SLC10A7: variants seen among roughly 807,000 people sequenced by gnomAD.
SLC10A7 encodes sodium/bile acid cotransporter 7.
SLC10A7 carries 29 observed loss-of-function variants against 43.2 expected under a neutral mutation model. That is an observed-to-expected ratio of 0.67 (90% CI 0.50 to 0.92). The LOEUF (loss-of-function observed/expected upper bound fraction) is 0.92. Ranked by LOEUF, SLC10A7 falls within the 40% of genes least tolerant of loss-of-function variation. SLC10A7 has a pLI of 0.00. For missense variants in SLC10A7, 295 were observed against 403.2 expected (o/e 0.73, Z 2.30); for synonymous variants, 152 against 144.8 (o/e 1.05, Z -0.35).
At chr4:146,469,775 C>A (rs1733393682) in intron 4 of SLC10A7, among the ~76,000 whole-genome samples, 1 of 152,082 alleles carries the variant, frequency 6.6e-6, no homozygotes, top group Non-Finnish European at 1.5e-5. Flanking sequence ...ACCACAGGTG[C>A]ATGCCACCAT....
intron 5 of SLC10A7, among the ~76,000 whole-genome samples, chr4:146,328,468 T>C (rs60663574): frequency 0.023 from 3,562 of 152,222 alleles, 149 homozygotes; most frequent in African/African-American, 0.082. Context: ...CCTGTTTGCA[T>C]CATCGGTGGA....
At chr4:146,421,353 A>G (rs1447943867) in intron 5 of SLC10A7, among the ~76,000 whole-genome samples, 1 of 152,138 alleles carries the variant, frequency 6.6e-6, no homozygotes, top group African/African-American at 2.4e-5. Context: ...TTGTAAGACA[A>G]TTGAAAAGCT....
intron 4 of SLC10A7, among the ~76,000 whole-genome samples, chr4:146,491,992 C>G (rs1054531434): frequency 1.3e-5 from 2 of 151,806 alleles, no homozygotes; most frequent in Non-Finnish European, 2.9e-5. Flanking sequence ...CTGAGGCGGG[C>G]GGATCACGAG....
intron 6 of SLC10A7, among the ~76,000 whole-genome samples, chr4:146,316,755 T>A (rs1414081185): frequency 6.6e-6 from 1 of 152,084 alleles, no homozygotes; most frequent in Non-Finnish European, 1.5e-5. Flanking sequence ...TATGTATGGT[T>A]ATAGAATCCT....
intron 4 of SLC10A7, among the ~76,000 whole-genome samples, chr4:146,496,424 C>T (rs1252621445): frequency 6.6e-6 from 1 of 152,124 alleles, no homozygotes; most frequent in East Asian, 1.9e-4. Context: ...CTTTCTCTTG[C>T]CTGTGAGTGG....
intron 10 of SLC10A7, among the ~76,000 whole-genome samples, chr4:146,264,458 ACCAT>A (rs904564594): frequency 6.6e-6 from 1 of 151,612 alleles, no homozygotes; most frequent in Non-Finnish European, 1.5e-5. Flanking sequence ...CTATGTTCCT[ACCAT>A]TCATTCATTC....
chr4:146,304,279 T>C (rs955696016), intron 7 of SLC10A7, among the ~76,000 whole-genome samples: 17 of 151,498 alleles, frequency 1.1e-4, no homozygotes, highest in African/African-American at 3.9e-4. Flanking sequence ...GAGGAGTCTA[T>C]AAAGACACCA....
chr4:146,409,555 T>C (rs1728005046), intron 5 of SLC10A7, among the ~76,000 whole-genome samples: 1 of 152,170 alleles, frequency 6.6e-6, no homozygotes, highest in Non-Finnish European at 1.5e-5. Flanking sequence ...GGTCATTATA[T>C]ATTAAACAAT....
intron 4 of SLC10A7, among the ~76,000 whole-genome samples, chr4:146,461,044 C>T (rs943751035): frequency 2.6e-5 from 4 of 152,026 alleles, no homozygotes; most frequent in African/African-American, 9.6e-5. Flanking sequence ...AGCTTCAGGG[C>T]TCTGCTTGTG....
intron 2 of SLC10A7, 138 bp from the exon 3 acceptor site, chr4:146,510,187 T>A: frequency 1.6e-6 from 1 of 629,806 alleles, no homozygotes; most frequent in Non-Finnish European, 2.6e-6. Flanking sequence ...TATAAGTATA[T>A]GCATACAAGA....
chr4:146,418,002 AGATGAT>A (rs140809624), intron 5 of SLC10A7, among the ~76,000 whole-genome samples: 7,141 of 147,302 alleles, frequency 0.048, 586 homozygotes, highest in African/African-American at 0.17. Flanking sequence ...ATATCTGAAC[AGATGAT>A]GATGATGATG....
chr4:146,451,844 G>A (rs750403111), intron 4 of SLC10A7, among the ~76,000 whole-genome samples: 1 of 152,016 alleles, frequency 6.6e-6, no homozygotes, highest in Non-Finnish European at 1.5e-5. Flanking sequence ...GGGGCTTAGG[G>A]AGGGAGGTTA....
At chr4:146,335,266 A>G in intron 5 of SLC10A7, among the ~76,000 whole-genome samples, 1 of 148,268 alleles carries the variant, frequency 6.7e-6, no homozygotes, top group Admixed American at 6.7e-5. Flanking sequence ...AAAAAAAAAA[A>G]AAAAAAAAAA....
chr4:146,290,630 T>G (rs1730382073), intron 9 of SLC10A7, among the ~76,000 whole-genome samples: 1 of 151,878 alleles, frequency 6.6e-6, no homozygotes, highest in Admixed American at 6.6e-5. Flanking sequence ...GGAGTCAAGG[T>G]GGGAGAATCA....
intron 5 of SLC10A7, among the ~76,000 whole-genome samples, chr4:146,327,377 A>G (rs1265448002): frequency 1.3e-5 from 2 of 152,226 alleles, no homozygotes; most frequent in African/African-American, 2.4e-5. Flanking sequence ...ATTGGTATCT[A>G]TGAAACAGGT....
At chr4:146,286,823 G>A (rs62327816) in intron 9 of SLC10A7, among the ~76,000 whole-genome samples, 14 of 11,852 alleles carry the variant, frequency 1.2e-3, no homozygotes, top group African/African-American at 2.6e-3. Flanking sequence ...GGACTGTTTG[G>A]AGTGATGAGA....
At chr4:146,352,777 T>C (rs1735228786) in intron 5 of SLC10A7, among the ~76,000 whole-genome samples, 1 of 134,898 alleles carries the variant, frequency 7.4e-6, no homozygotes, top group Non-Finnish European at 1.6e-5. Flanking sequence ...AACCTGCTCC[T>C]GAATGACTAC....
chr4:146,353,513 G>C (rs1735305574), intron 5 of SLC10A7, among the ~76,000 whole-genome samples: 1 of 92,124 alleles, frequency 1.1e-5, no homozygotes, highest in Non-Finnish European at 2.1e-5. Flanking sequence ...TAGAAAAAGA[G>C]GGAATCCTCC....
chr4:146,428,449 G>A (rs1729531623), intron 5 of SLC10A7, among the ~76,000 whole-genome samples: 1 of 152,102 alleles, frequency 6.6e-6, no homozygotes, highest in Non-Finnish European at 1.5e-5. Context: ...GCAGAGGGCT[G>A]TAACATGATG....
Sources: gnomAD v4.1 joint callset for allele counts (sites outside exome capture counted in the v4.1 genomes callset) on GRCh38, gnomAD v4.1.1 for gene constraint, MANE v1.5 for transcripts, NCBI Gene and HGNC (gene_info 2026-07-23, HGNC 2026-07-21) for gene names.